PCDHGB4: variants seen among roughly 807,000 people sequenced by gnomAD.
PCDHGB4 encodes the protein protocadherin gamma subfamily B, 4.
In PCDHGB4, 38 loss-of-function variants were observed where a neutral mutation model predicts 60.5. The observed-to-expected ratio is 0.63, with a 90% CI of 0.48 to 0.82. PCDHGB4 has a LOEUF of 0.82. Ranked by LOEUF, PCDHGB4 falls within the 40% of genes least tolerant of loss-of-function variation. PCDHGB4 has a pLI of 0.00. For missense variants in PCDHGB4, 1,109 were observed against 1,209.6 expected, an observed-to-expected ratio of 0.92 and a Z score of 1.23; for synonymous variants, 456 against 509.7, an observed-to-expected ratio of 0.89 and a Z score of 1.42.
intron 1 of PCDHGB4, chr5:141,417,622 G>T (rs1036510827): frequency 1.5e-6 from 1 of 668,534 alleles, no homozygotes; most frequent in Non-Finnish European, 2.4e-6. Flanking sequence ...TGCAGAGCAA[G>T]CGCTGACGCC....
chr5:141,406,732 G>A (rs1190275382), intron 1 of PCDHGB4, among the ~76,000 whole-genome samples: 1 of 152,142 alleles, frequency 6.6e-6, no homozygotes, highest in Non-Finnish European at 1.5e-5. Context: ...TCTAAGACTG[G>A]ACACTGTGAA....
Position 141,420,095 on chromosome 5 carries a change from G to A in PCDHGB4, c.2397+29814G>A, listed in dbSNP as rs1382286285. 2.5e-6 allele frequency: 4 copies of A among 1,613,882 alleles called. No individual in the cohort carries two copies. Among genetic ancestry groups the A allele is most frequent in the Admixed American group, 1.7e-5 (1 of 60,010 alleles). ...TGTGGGTCCCCCCAACTACAGTGAGGGAACGTTGCCCTATGCCTATAATTT... is the reference window on the plus strand; with the variant it reads ...TGTGGGTCCCCCCAACTACAGTGAGAGAACGTTGCCCTATGCCTATAATTT... On this transcript the variant is annotated intron_variant, in intron 1 of 3. Coordinates refer to ENST00000519479, the MANE Select transcript of PCDHGB4 (RefSeq NM_003736.4).
chr5:141,511,237 T>C lies in PCDHGB4; in HGVS notation c.*64T>C, dbSNP rs886816274. 1.9e-6 allele frequency: 3 copies of C among 1,590,378 alleles called. No homozygotes were observed. The South Asian group carries it at 3.4e-5, about 18-fold the overall frequency. ...CCAACCAGCCCAGCTTCTCCTTACC[T>C]GCACCCAGGCCTCAGAGTTTCAGGG... On this transcript the variant is annotated 3_prime_UTR_variant, in exon 4 of 4. Coordinates refer to ENST00000519479, the MANE Select transcript of PCDHGB4 (RefSeq NM_003736.4).
intron 1 of PCDHGB4, chr5:141,397,952 C>A: frequency 1.0e-6 from 1 of 959,530 alleles, no homozygotes; most frequent in Non-Finnish European, 1.5e-6. Context: ...CCAGGGCAGC[C>A]CCAGCTCAGA....
intron 1 of PCDHGB4, chr5:141,415,379 G>T: frequency 3.7e-6 from 6 of 1,614,250 alleles, no homozygotes; most frequent in Non-Finnish European, 3.4e-6. Flanking sequence ...TCAGGAGGCG[G>T]CTTGACAGGT....
chr5:141,451,148 G>A (rs536843411), intron 1 of PCDHGB4, among the ~76,000 whole-genome samples: 2 of 152,154 alleles, frequency 1.3e-5, no homozygotes, highest in East Asian at 3.9e-4. Flanking sequence ...ATTTAGACTA[G>A]ACATTTTTTT....
intron 1 of PCDHGB4, among the ~76,000 whole-genome samples, chr5:141,450,467 T>C (rs997813636): frequency 9.2e-5 from 14 of 151,944 alleles, no homozygotes; most frequent in African/African-American, 3.2e-4. Flanking sequence ...ATTTTATATA[T>C]AGAGTTTGTT....
chr5:141,394,567 G>A, intron 1 of PCDHGB4: 1 of 1,614,040 alleles, frequency 6.2e-7, no homozygotes, highest in Non-Finnish European at 8.5e-7. Flanking sequence ...GCAGAGCGTG[G>A]CTACCTGGTG....
At chr5:141,408,458 G>T (rs760881860) in intron 1 of PCDHGB4, 4 of 1,614,066 alleles carry the variant, frequency 2.5e-6, no homozygotes, top group South Asian at 2.2e-5. Flanking sequence ...GGACTTACTT[G>T]TGAAGAACCG....
chr5:141,418,906 C>T, intron 1 of PCDHGB4: 1 of 1,613,908 alleles, frequency 6.2e-7, no homozygotes, highest in Non-Finnish European at 8.5e-7. Flanking sequence ...AAATAATCAT[C>T]ACGTCACTCT....
chr5:141,404,129 A>G (rs753217773), intron 1 of PCDHGB4: 6 of 1,613,162 alleles, frequency 3.7e-6, no homozygotes, highest in Non-Finnish European at 5.1e-6. Context: ...TCTATCTTTT[A>G]CATTAGAAAA....
chr5:141,392,775 A>C (rs777775450), intron 1 of PCDHGB4: 1 of 1,524,280 alleles, frequency 6.6e-7, no homozygotes, highest in South Asian at 1.3e-5. Context: ...CCATTTATGC[A>C]CAGTGAAGAT....
intron 1 of PCDHGB4, chr5:141,427,972 C>A: frequency 6.3e-7 from 1 of 1,593,948 alleles, no homozygotes; most frequent in Non-Finnish European, 8.6e-7. Context: ...GTGCTGTACC[C>A]CGCGCTGGGG....
At position 141,426,367 on chromosome 5, in the gene PCDHGB4, G is replaced by A. The variant is rs557191606; in HGVS notation, c.2397+36086G>A. The A allele has an allele frequency of 8.2e-4, 168 of 204,486 alleles. 3 individuals are homozygous for A. The South Asian group carries it at 0.014, about 17-fold the overall frequency. 12.7% of individuals were successfully genotyped at this position (204,486 alleles called of 1,614,324 possible). ...TTTCCTGCTGCCTTTGTTCTGCGGG[G>A]CACCCTCGGAGCAGATCCGCTACTC... is the stretch of plus-strand genomic sequence containing the variant. On this transcript the variant is annotated intron_variant, in intron 1 of 3. Transcript: ENST00000519479.
intron 1 of PCDHGB4, among the ~76,000 whole-genome samples, chr5:141,433,397 A>ATCTATCTG (rs1554126017): frequency 5.3e-5 from 8 of 150,410 alleles, no homozygotes; most frequent in Non-Finnish European, 1.2e-4. Context: ...CTATCTATCT[A>ATCTATCTG]TCTATCTATT....
At position 141,431,176 on chromosome 5, in the gene PCDHGB4, A is replaced by G; in HGVS notation, c.2397+40895A>G. On this transcript the variant is annotated intron_variant, in intron 1 of 3. Coordinates refer to ENST00000519479, the MANE Select transcript of PCDHGB4 (RefSeq NM_003736.4). The surrounding 1 kb of genome is among the most constrained non-coding windows in gnomAD (Gnocchi z 4.8). Reference sequence around the variant, plus strand: ...CTTACTTTCGTGAAAGTGAATTAGAAATAAAAATTAGTGAAAATGCAGCCA... The same window carrying G: ...CTTACTTTCGTGAAAGTGAATTAGAGATAAAAATTAGTGAAAATGCAGCCA... The G allele has an allele frequency of 1.2e-6, 2 of 1,614,212 alleles. No individual in the cohort carries two copies. Among genetic ancestry groups the G allele is most frequent in the Non-Finnish European group, 1.7e-6 (2 of 1,180,032 alleles).
Position 141,491,508 on chromosome 5 carries a change from G to A in PCDHGB4, c.2398-3299G>A. The A allele has an allele frequency of 6.2e-7, 1 of 1,614,030 alleles. No individual in the cohort carries two copies. The highest frequency in any genetic ancestry group is 8.5e-7 in the Non-Finnish European group (1 of 1,180,014). The stretch of plus-strand genomic sequence containing the variant: ...ACCTGCAGGTGAGCTCGGACGGCAC[G>A]CTCAAGTACATGGAGGTGACGCTGC... On this transcript the variant is annotated intron_variant, in intron 1 of 3. Transcript: ENST00000519479. This position sits in a 1 kb window ranked among gnomAD's most constrained non-coding sequence, Gnocchi z 6.9.
chr5:141,417,899 C>G lies in PCDHGB4; in HGVS notation c.2397+27618C>G, dbSNP rs781294504. On this transcript the variant is annotated intron_variant, in intron 1 of 3. Transcript: ENST00000519479. ...CGCGCAGAGGCGCCGGGCCGGCCCG[C>G]GGCAGGTACTATTTCCTTTGCTGCT... 2.0e-5 allele frequency: 31 copies of G among 1,581,354 alleles called. 2 individuals carry two copies. In the South Asian group the frequency reaches 3.4e-4, roughly 17 times the overall value.
rs544860780 is a variant in PCDHGB4 at position 141,406,543 on chromosome 5, C to G, written c.2397+16262C>G. On this transcript the variant is annotated intron_variant, in intron 1 of 3. Transcript: ENST00000519479. ...AGATATTTTCTGACGAAGATTCAAA[C>G]TTCAGTTATCCACTTCCAAACCCTA... is the stretch of plus-strand genomic sequence containing the variant. Among the ~76,000 whole-genome samples, 16 of 152,288 alleles carry G rather than the reference C, an allele frequency of 1.1e-4. 1 individual carries two copies. The South Asian group carries it at 2.9e-3, about 28-fold the overall frequency.
Sources: gnomAD v4.1 joint callset for allele counts (sites outside exome capture counted in the v4.1 genomes callset) on GRCh38, gnomAD v4.1.1 for gene constraint, Gnocchi (gnomAD v3.1) non-coding constraint, MANE v1.5 for transcripts, NCBI Gene and HGNC (gene_info 2026-07-23, HGNC 2026-07-21) for gene names.